Variants in SYCP2L observed in about 807,000 individuals in gnomAD.
SYCP2L encodes the protein synaptonemal complex protein 2 like.
Under a neutral mutation model 125.8 loss-of-function variants are expected in SYCP2L, and 98 were observed. The observed-to-expected ratio is 0.78, with a 90% CI of 0.66 to 0.92. The LOEUF (loss-of-function observed/expected upper bound fraction) is 0.92, where lower values mean the gene tolerates loss of function less well. SYCP2L is among the 40% of genes least tolerant of loss of function. SYCP2L has a pLI of 0.00. For missense variants in SYCP2L, 842 were observed against 936.4 expected (o/e 0.90, Z 1.32); for synonymous variants, 317 against 325.4 (o/e 0.97, Z 0.28).
At chr6:10,916,623 G>A (rs1266348277) in intron 14 of SYCP2L, among the ~76,000 whole-genome samples, 2 of 152,174 alleles carry the variant, frequency 1.3e-5, no homozygotes, top group Non-Finnish European at 2.9e-5. Context: ...GTATTTGCAT[G>A]GTTTTGAAGG....
chr6:10,942,253 C>G (rs1231844648), intron 21 of SYCP2L, among the ~76,000 whole-genome samples: 3 of 152,094 alleles, frequency 2.0e-5, no homozygotes, highest in African/African-American at 7.2e-5. Flanking sequence ...CATACGTAAC[C>G]TGCACGTTGT....
intron 15 of SYCP2L, 57 bp from the exon 16 acceptor site, chr6:10,926,282 T>A (rs1017033931): frequency 9.0e-5 from 62 of 691,146 alleles, no homozygotes; most frequent in Non-Finnish European, 1.0e-4. Context: ...TTTCCTTAAA[T>A]TTTTTTTTTT....
At chr6:10,938,906 G>C (rs1244149897) in intron 21 of SYCP2L, among the ~76,000 whole-genome samples, 1 of 152,108 alleles carries the variant, frequency 6.6e-6, no homozygotes, top group Non-Finnish European at 1.5e-5. Flanking sequence ...GGATTACGAG[G>C]TCAGGAGATC....
intron 29 of SYCP2L, among the ~76,000 whole-genome samples, chr6:10,966,835 T>C (rs889489517): frequency 6.6e-6 from 1 of 152,054 alleles, no homozygotes; most frequent in Non-Finnish European, 1.5e-5. Context: ...AATAAAATGA[T>C]AGGGAAGGCA....
chr6:10,969,270 G>T (rs1440099109), intron 29 of SYCP2L, among the ~76,000 whole-genome samples: 1 of 151,856 alleles, frequency 6.6e-6, no homozygotes, highest in African/African-American at 2.4e-5. Flanking sequence ...AGAGTAAACT[G>T]AGTAGGTGAT....
In SYCP2L at chr6:10,912,925, C is replaced by G. The variant is rs1780635322; in HGVS notation, c.1070C>G (p.Thr357Arg). 1 of 1,613,240 alleles carries G rather than the reference C, an allele frequency of 6.2e-7. No homozygotes were observed. Among genetic ancestry groups the G allele is most frequent in the African/African-American group, 1.3e-5 (1 of 74,908 alleles). ...GAAGCGGTGATGAATTTCAGCATAA[C>G]AGGTAATATGATACATTTAAACAAC... ...PKEAVMNFSI[T>R]ETEKIKIFII... is the part of the protein sequence containing the mutation. Residue 357 changes from threonine to arginine, a missense_variant and splice_region_variant, in exon 14 of 30, where the codon ACA (threonine) becomes AGA (arginine). Coordinates refer to ENST00000283141, the MANE Select transcript of SYCP2L (RefSeq NM_001040274.3). The surrounding 1 kb of genome is among the most constrained non-coding windows in gnomAD (Gnocchi z 4.1).
At position 10,893,673 on chromosome 6, in the gene SYCP2L, C is replaced by A. The variant is rs115880404; in HGVS notation, c.79-194C>A. Among the ~76,000 whole-genome samples, 1,169 of 152,266 alleles carry A rather than the reference C, an allele frequency of 7.7e-3. 16 individuals carry two copies. Among genetic ancestry groups the A allele is most frequent in the African/African-American group, 0.027 (1,118 of 41,540 alleles). On this transcript the variant is annotated intron_variant, in intron 2 of 29. Coordinates refer to ENST00000283141, the MANE Select transcript of SYCP2L (RefSeq NM_001040274.3). ...TGGTCTAGGAACCACATTTTGGGAA[C>A]TCTTGTCTTAAACCAACGGAAACAT...
chr6:10,902,831 C>CT, intron 7 of SYCP2L, 44 bp from the exon 8 acceptor site: 1 of 1,611,984 alleles, frequency 6.2e-7, no homozygotes. Flanking sequence ...ACATAGGTCT[C>CT]TGTTTTCTTT....
intron 14 of SYCP2L, among the ~76,000 whole-genome samples, chr6:10,921,131 G>A (rs1397303109): frequency 1.3e-5 from 2 of 152,198 alleles, no homozygotes; most frequent in Non-Finnish European, 2.9e-5. Context: ...AACATGCGGT[G>A]TTTGGTTTTC....
chr6:10,933,993 T>C (rs1338132644), intron 20 of SYCP2L, among the ~76,000 whole-genome samples: 1 of 152,214 alleles, frequency 6.6e-6, no homozygotes, highest in Non-Finnish European at 1.5e-5. Context: ...CTAGGATCAT[T>C]AGGCAGATCA....
intron 14 of SYCP2L, among the ~76,000 whole-genome samples, chr6:10,923,192 T>G (rs1339548946): frequency 1.3e-5 from 2 of 152,094 alleles, no homozygotes; most frequent in Admixed American, 1.3e-4. Flanking sequence ...TTGCCTGTTC[T>G]TTCCTGGACT....
At chr6:10,930,563 CA>C (rs748007844) in intron 19 of SYCP2L, 49 bp downstream of exon 19, 28 of 1,556,926 alleles carry the variant, frequency 1.8e-5, no homozygotes, top group Non-Finnish European at 2.6e-6. Flanking sequence ...TAGTGATTTT[CA>C]AATCAGATAT....
chr6:10,950,653 T>C (rs1767761), intron 23 of SYCP2L, among the ~76,000 whole-genome samples: 109,653 of 152,012 alleles, frequency 0.72, 39,805 homozygotes, highest in Middle Eastern at 0.77. Context: ...TCCAGCTCTC[T>C]AACAGAAGCT....
intron 28 of SYCP2L, among the ~76,000 whole-genome samples, chr6:10,962,021 A>C (rs1781602138): frequency 6.6e-6 from 1 of 152,132 alleles, no homozygotes; most frequent in African/African-American, 2.4e-5. Flanking sequence ...TCATCAATAC[A>C]TCCTCTGGGG....
Position 10,927,307 on chromosome 6 carries a change from T to C in SYCP2L, c.1380T>C (p.Thr460=), listed in dbSNP as rs747613655. The C allele has an allele frequency of 6.2e-6, 10 of 1,614,004 alleles. No homozygotes were observed. The highest frequency in any genetic ancestry group is 1.1e-5 in the South Asian group (1 of 91,082). Residue 460 remains threonine, a synonymous_variant, in exon 17 of 30, where the codon ACT becomes ACC. Coordinates refer to ENST00000283141, the MANE Select transcript of SYCP2L (RefSeq NM_001040274.3). ...MSAEDDRCLI[T]LHLNDQSEPP... ...CTGAAGATGACCGCTGCCTAATAAC[T>C]CTCCACTTAAATGACCAATCTGAGC...
intron 1 of SYCP2L, 66 bp downstream of exon 1, chr6:10,887,201 C>T: frequency 1.2e-6 from 2 of 1,605,690 alleles, no homozygotes; most frequent in South Asian, 2.2e-5. Context: ...GGCGCGGGGT[C>T]CCTGGGGCTC....
intron 14 of SYCP2L, among the ~76,000 whole-genome samples, chr6:10,920,275 T>A (rs1353099542): frequency 6.6e-6 from 1 of 152,202 alleles, no homozygotes; most frequent in Non-Finnish European, 1.5e-5. Flanking sequence ...TGGAGTGCAG[T>A]GGCGTGATCT....
chr6:10,960,938 C>T (rs1004823554), intron 26 of SYCP2L, among the ~76,000 whole-genome samples: 14 of 152,066 alleles, frequency 9.2e-5, no homozygotes, highest in African/African-American at 2.4e-4. Context: ...ATGAGCTGGG[C>T]GTGGTGGCAC....
chr6:10,942,364 T>G, intron 21 of SYCP2L, 95 bp from the exon 22 acceptor site: 1 of 807,146 alleles, frequency 1.2e-6, no homozygotes, highest in Non-Finnish European at 1.9e-6. Flanking sequence ...TGTTCCTTTT[T>G]TTTGATGATG....
Sources: allele counts gnomAD v4.1 joint callset (sites outside exome capture counted in the v4.1 genomes callset), GRCh38; gene constraint gnomAD v4.1.1; non-coding constraint Gnocchi (gnomAD v3.1); transcripts MANE v1.5; gene names NCBI Gene and HGNC (gene_info 2026-07-23, HGNC 2026-07-21).